Variants in SLC30A8 observed in about 807,000 individuals in gnomAD.
The protein encoded by SLC30A8 is proton-coupled zinc antiporter SLC30A8.
Under a neutral mutation model 36.9 loss-of-function variants are expected in SLC30A8, and 27 were observed. The ratio of observed to expected loss-of-function variants is 0.73; its 90% CI spans 0.54 to 1.01. The LOEUF (loss-of-function observed/expected upper bound fraction) is 1.01, where lower values mean the gene tolerates loss of function less well. SLC30A8 is among the 50% of genes least tolerant of loss of function. The pLI is 0.00. For synonymous variants in SLC30A8, 164 were observed against 172.4 expected (o/e 0.95, Z 0.38); for missense variants, 439 against 452.0 (o/e 0.97, Z 0.26).
intron 1 of SLC30A8, among the ~76,000 whole-genome samples, chr8:117,143,694 A>ACACACACACACT (rs1205607816): frequency 8.6e-5 from 13 of 151,268 alleles, no homozygotes; most frequent in African/African-American, 3.2e-4. Flanking sequence ...ACACACACAC[A>ACACACACACACT]CACTCACACA....
chr8:117,045,773 C>G (rs899812996), intron 2 of SLC30A8, among the ~76,000 whole-genome samples: 1 of 152,138 alleles, frequency 6.6e-6, no homozygotes, highest in Non-Finnish European at 1.5e-5. Context: ...ATGTGACAAG[C>G]CATCTGTTTG....
At chr8:117,083,990 A>G (rs1019721497) in intron 2 of SLC30A8, among the ~76,000 whole-genome samples, 1 of 152,126 alleles carries the variant, frequency 6.6e-6, no homozygotes, top group African/African-American at 2.4e-5. Flanking sequence ...TTGCCGCCCC[A>G]AGATAAGAGC....
intron 1 of SLC30A8, among the ~76,000 whole-genome samples, chr8:116,980,869 A>G (rs1426118336): frequency 2.0e-5 from 3 of 152,202 alleles, no homozygotes; most frequent in Non-Finnish European, 2.9e-5. Context: ...TAAAGACACT[A>G]TCATTTCTGA....
chr8:117,035,868 T>G (rs1384707448), intron 1 of SLC30A8, among the ~76,000 whole-genome samples: 1 of 152,186 alleles, frequency 6.6e-6, no homozygotes, highest in Non-Finnish European at 1.5e-5. Flanking sequence ...CTCAGCCCCC[T>G]TTAGCCACAG....
chr8:117,103,865 C>T (rs1819844262), intron 2 of SLC30A8, among the ~76,000 whole-genome samples: 1 of 152,176 alleles, frequency 6.6e-6, no homozygotes, highest in Non-Finnish European at 1.5e-5. Flanking sequence ...TTCATTCCAT[C>T]TCTGTCCTGT....
intron 1 of SLC30A8, among the ~76,000 whole-genome samples, chr8:117,019,981 G>A (rs904990003): frequency 2.6e-5 from 4 of 152,138 alleles, no homozygotes; most frequent in Non-Finnish European, 5.9e-5. Context: ...TGAAGGCTAA[G>A]AGCTTAAGTA....
intron 1 of SLC30A8, among the ~76,000 whole-genome samples, chr8:117,022,909 G>T (rs895340432): frequency 6.6e-5 from 10 of 152,148 alleles, no homozygotes; most frequent in African/African-American, 2.4e-4. Flanking sequence ...CTTCTGCACA[G>T]CAAAAGAGAC....
chr8:117,114,360 G>A lies in SLC30A8; in HGVS notation c.-225-20920G>A, dbSNP rs191446917. 3.5e-3 allele frequency among the ~76,000 whole-genome samples: 530 copies of A among 152,046 alleles called. 9 individuals are homozygous for A. Among genetic ancestry groups the A allele is most frequent in the African/African-American group, 0.012 (505 of 41,488 alleles). On this transcript the variant is annotated intron_variant, in intron 2 of 10. Transcript: ENST00000427715. ...ACCTTGCCCCTCTGAACTACTATTC[G>A]GATTCCATGACACAGAATTTGAACA...
chr8:117,055,206 T>G (rs956489693), intron 2 of SLC30A8, among the ~76,000 whole-genome samples: 4 of 152,242 alleles, frequency 2.6e-5, no homozygotes, highest in Admixed American at 2.6e-4. Flanking sequence ...AATTTTCAGA[T>G]AGAGCTGGTG....
intron 2 of SLC30A8, among the ~76,000 whole-genome samples, chr8:117,039,653 A>G (rs1353139077): frequency 6.6e-6 from 1 of 152,188 alleles, no homozygotes; most frequent in Admixed American, 6.5e-5. Flanking sequence ...GGCCTTCACA[A>G]TATTGTCTAT....
chr8:117,006,496 T>C (rs2130695900), intron 1 of SLC30A8, among the ~76,000 whole-genome samples: 1 of 152,326 alleles, frequency 6.6e-6, no homozygotes, highest in African/African-American at 2.4e-5. Context: ...CCTTGTAGAC[T>C]TTCTGTTATG....
At chr8:117,154,692 G>A (rs997600711) in intron 3 of SLC30A8, among the ~76,000 whole-genome samples, 13 of 152,158 alleles carry the variant, frequency 8.5e-5, no homozygotes, top group African/African-American at 3.1e-4. Flanking sequence ...GGAAAACATG[G>A]ACCTGTAGCT....
At chr8:117,115,684 C>G (rs143546738) in intron 2 of SLC30A8, among the ~76,000 whole-genome samples, 1 of 152,118 alleles carries the variant, frequency 6.6e-6, no homozygotes, top group East Asian at 1.9e-4. Context: ...AAATGCAAAA[C>G]AGTTAAACAG....
intron 5 of SLC30A8, 103 bp from the exon 6 acceptor site, chr8:117,163,322 A>G: frequency 1.2e-6 from 1 of 856,524 alleles, no homozygotes; most frequent in South Asian, 1.7e-5. Context: ...TAAATGAGTG[A>G]CAGAGAAGGA....
intron 1 of SLC30A8, among the ~76,000 whole-genome samples, chr8:117,020,048 G>C (rs1325550424): frequency 6.6e-6 from 1 of 152,158 alleles, no homozygotes; most frequent in African/African-American, 2.4e-5. Context: ...ATGATAGAAC[G>C]CAATTGCCTG....
At chr8:117,072,804 GA>G (rs916160224) in intron 2 of SLC30A8, among the ~76,000 whole-genome samples, 18 of 142,780 alleles carry the variant, frequency 1.3e-4, no homozygotes, top group Non-Finnish European at 2.8e-4. Flanking sequence ...CCCTACCAAA[GA>G]AAAAAACTGC....
At chr8:117,148,270 T>C (rs1821997557) in intron 2 of SLC30A8, among the ~76,000 whole-genome samples, 1 of 152,138 alleles carries the variant, frequency 6.6e-6, no homozygotes, top group South Asian at 2.1e-4. Flanking sequence ...ATTAGATATA[T>C]TGTATGCTCT....
At chr8:116,999,480 A>G (rs1815934151) in intron 1 of SLC30A8, among the ~76,000 whole-genome samples, 1 of 152,164 alleles carries the variant, frequency 6.6e-6, no homozygotes, top group Admixed American at 6.5e-5. Context: ...GTGTGAGGAG[A>G]CATAAAGTCC....
intron 1 of SLC30A8, among the ~76,000 whole-genome samples, chr8:116,963,078 G>A (rs1814482999): frequency 6.7e-6 from 1 of 148,808 alleles, no homozygotes; most frequent in Non-Finnish European, 1.5e-5. Context: ...GGTCAGGAAA[G>A]ACTTTAAGAA....
Sources: gnomAD v4.1 joint callset for allele counts (sites outside exome capture counted in the v4.1 genomes callset) on GRCh38, gnomAD v4.1.1 for gene constraint, MANE v1.5 for transcripts, NCBI Gene and HGNC (gene_info 2026-07-23, HGNC 2026-07-21) for gene names.